The following ZC3H18 variants were observed in gnomAD, a reference collection of about 807,000 sequenced individuals.
ZC3H18 encodes the protein zinc finger CCCH-type containing 18.
In ZC3H18, 8 loss-of-function variants were observed where a neutral mutation model predicts 106.1. The ratio of observed to expected loss-of-function variants is 0.08; its 90% CI spans 0.04 to 0.14. The LOEUF (loss-of-function observed/expected upper bound fraction) is 0.14, where lower values mean the gene tolerates loss of function less well. Among genes scored for constraint, ZC3H18 ranks in the 10% least tolerant of loss-of-function variants. ZC3H18 has a pLI of 1.00. For synonymous variants in ZC3H18, 635 were observed against 522.1 expected, an observed-to-expected ratio of 1.22 and a Z score of -2.95; for missense variants, 1,318 against 1,278.4, an observed-to-expected ratio of 1.03 and a Z score of -0.47.
Position 88,611,407 on chromosome 16 carries a change from G to A in ZC3H18, c.1346G>A (p.Arg449Lys). Residue 449 changes from arginine (R) to lysine (K), a missense_variant, in exon 8 of 18, where the codon AGG becomes AAG. Arg to Lys is a conservative substitution (Grantham distance 26, BLOSUM62 2). Coordinates refer to ENST00000301011, the MANE Select transcript of ZC3H18 (RefSeq NM_144604.4). ...ERERDKERQR[R>K]KEEWERERAK... ...GAGCGCGACAAGGAGCGGCAGCGGA[G>A]GAAGGAGGAGTGGGAGCGTGAGCGA... 1 of 1,288,872 alleles carries A rather than the reference G, an allele frequency of 7.8e-7. No homozygotes were observed. Among genetic ancestry groups the A allele is most frequent in the East Asian group, 2.5e-5 (1 of 39,708 alleles). The allele number at this position is 1,288,872 out of a possible 1,614,324, so 79.8% of individuals were successfully genotyped here. A position where few individuals can be genotyped will look rare whatever the true frequency, so the allele number is the denominator to read the frequency against.
At chr16:88,615,213 A>C (rs1905518762) in intron 8 of ZC3H18, among the ~76,000 whole-genome samples, 1 of 123,062 alleles carries the variant, frequency 8.1e-6, no homozygotes, top group African/African-American at 3.0e-5. Flanking sequence ...TCTGCCTTTG[A>C]CAGGCTGCCC....
chr16:88,578,740 G>A (rs903497042), intron 2 of ZC3H18, among the ~76,000 whole-genome samples: 2 of 152,154 alleles, frequency 1.3e-5, no homozygotes, highest in African/African-American at 4.8e-5. Context: ...AACCCAGGCT[G>A]GAGTGCAGTG....
intron 8 of ZC3H18, among the ~76,000 whole-genome samples, chr16:88,618,459 A>G (rs929872096): frequency 6.6e-6 from 1 of 152,198 alleles, no homozygotes; most frequent in Admixed American, 6.5e-5. Flanking sequence ...TTGAAGAAAG[A>G]ACCTTCATGC....
chr16:88,590,302 C>T (rs921522696), intron 3 of ZC3H18, among the ~76,000 whole-genome samples: 3 of 152,178 alleles, frequency 2.0e-5, no homozygotes, highest in South Asian at 2.1e-4. Context: ...ATCATTTAAT[C>T]GCTTAGTGGA....
intron 8 of ZC3H18, among the ~76,000 whole-genome samples, chr16:88,619,754 C>A (rs1299474154): frequency 6.6e-6 from 1 of 152,150 alleles, no homozygotes; most frequent in African/African-American, 2.4e-5. Flanking sequence ...CAGCTTCACC[C>A]GAAGAAGAGG....
At chr16:88,578,987 G>A (rs12444047) in intron 2 of ZC3H18, among the ~76,000 whole-genome samples, 9 of 152,252 alleles carry the variant, frequency 5.9e-5, no homozygotes, top group Admixed American at 3.9e-4. Context: ...CACGCCCGGC[G>A]GGTGCCATGC....
intron 8 of ZC3H18, among the ~76,000 whole-genome samples, chr16:88,617,320 C>A (rs536348810): frequency 6.6e-6 from 1 of 152,244 alleles, no homozygotes; most frequent in East Asian, 1.9e-4. Flanking sequence ...GGAGTTGTGC[C>A]GCTCTCTCCG....
At position 88,628,800 on chromosome 16, in the gene ZC3H18, A is replaced by G. The variant is rs1295481845; in HGVS notation, c.2512A>G (p.Lys838Glu). The G allele has an allele frequency of 1.2e-6, 2 of 1,613,978 alleles. No individual in the cohort carries two copies. The highest frequency in any genetic ancestry group is 2.2e-5 in the East Asian group (1 of 44,892). ...CAGGAAGCGCTATGAACCATCAGAC[A>G]AGGACAGGCAGAGCCCTCCTCCAGC... ...GSRKRYEPSD[K>E]DRQSPPPAKR... Residue 838 changes from lysine (K) to glutamate (E), a missense_variant, in exon 16 of 18, where the codon AAG (lysine) becomes GAG (glutamate). By Grantham distance (56) the Lys-to-Glu change is moderately conservative. Transcript: ENST00000301011.
chr16:88,619,812 G>A (rs1479522804), intron 8 of ZC3H18, among the ~76,000 whole-genome samples: 1 of 152,178 alleles, frequency 6.6e-6, no homozygotes, highest in Non-Finnish European at 1.5e-5. Flanking sequence ...TCCCTGTGTT[G>A]GAAGGGCCGC....
rs764925812 is a variant in ZC3H18 at position 88,599,847 on chromosome 16, G to C, written c.987G>C (p.Arg329Ser). Reference sequence around the variant, plus strand: ...AGGAGCCTGATTTTGAAGAGAAAAGGTTTACGGTGACCATTGGCGAAGACG... The same window carrying C: ...AGGAGCCTGATTTTGAAGAGAAAAGCTTTACGGTGACCATTGGCGAAGACG... ...KEQEPDFEEK[R>S]FTVTIGEDER... Residue 329 changes from arginine (R) to serine (S), a missense_variant, in exon 6 of 18, where the codon AGG becomes AGC. Arg to Ser is a moderately radical substitution (Grantham distance 110). Coordinates refer to ENST00000301011, the MANE Select transcript of ZC3H18 (RefSeq NM_144604.4). 1.9e-6 allele frequency: 3 copies of C among 1,614,048 alleles called. No individual in the cohort carries two copies. In the East Asian group the frequency reaches 6.7e-5, roughly 36 times the overall value.
intron 7 of ZC3H18, among the ~76,000 whole-genome samples, chr16:88,609,949 T>C (rs1382990007): frequency 6.6e-6 from 1 of 152,156 alleles, no homozygotes; most frequent in Non-Finnish European, 1.5e-5. Flanking sequence ...CTGATGCCTG[T>C]GTCCAGGGGT....
chr16:88,615,606 C>T (rs541548908), intron 8 of ZC3H18, among the ~76,000 whole-genome samples: 3 of 152,314 alleles, frequency 2.0e-5, no homozygotes, highest in South Asian at 2.1e-4. Flanking sequence ...AGTCTGCTTT[C>T]CAGATTCACA....
chr16:88,614,724 A>G (rs1234384406), intron 8 of ZC3H18, among the ~76,000 whole-genome samples: 1 of 152,254 alleles, frequency 6.6e-6, no homozygotes. Context: ...AAACGGGGAA[A>G]CCGTCATTGA....
At chr16:88,582,434 G>C (rs1915192528) in intron 2 of ZC3H18, among the ~76,000 whole-genome samples, 1 of 151,940 alleles carries the variant, frequency 6.6e-6, no homozygotes, top group Non-Finnish European at 1.5e-5. Flanking sequence ...ATCTTGGCCA[G>C]GCTGGTCTTG....
intron 1 of ZC3H18, among the ~76,000 whole-genome samples, chr16:88,574,445 A>T (rs1567573731): frequency 6.6e-6 from 1 of 150,540 alleles, no homozygotes; most frequent in Non-Finnish European, 1.5e-5. Flanking sequence ...CTGACTTCGG[A>T]TGATCCACCT....
chr16:88,619,566 T>A (rs1392048484), intron 8 of ZC3H18, among the ~76,000 whole-genome samples: 1 of 152,208 alleles, frequency 6.6e-6, no homozygotes, highest in Admixed American at 6.5e-5. Flanking sequence ...TATCATTGTC[T>A]CCAGAGGGAA....
At chr16:88,581,325 C>G (rs959606265) in intron 2 of ZC3H18, among the ~76,000 whole-genome samples, 3 of 152,196 alleles carry the variant, frequency 2.0e-5, no homozygotes, top group African/African-American at 7.2e-5. Flanking sequence ...TTTCTCTTCT[C>G]TCAGGGCACA....
chr16:88,593,857 G>A (rs1904312915), intron 3 of ZC3H18, among the ~76,000 whole-genome samples: 1 of 152,200 alleles, frequency 6.6e-6, no homozygotes, highest in Admixed American at 6.5e-5. Context: ...AGTGTGTCAG[G>A]ACTTTCTCAG....
rs1205451194 is a variant in ZC3H18 at position 88,598,634 on chromosome 16, T to A, written c.852T>A (p.Val284=). 6.2e-7 allele frequency: 1 copy of A among 1,611,610 alleles called. No homozygotes were observed. Among genetic ancestry groups the A allele is most frequent in the Admixed American group, 1.7e-5 (1 of 59,792 alleles). Reference sequence around the variant, plus strand: ...TTTTTCAATAGGGTGGGCCGGTAGTTGATGAAATTTTGCCTCCACCCCCTC... The same window carrying A: ...TTTTTCAATAGGGTGGGCCGGTAGTAGATGAAATTTTGCCTCCACCCCCTC... The part of the protein sequence containing the change: ...MPANPWGGPV[V]DEILPPPPPE... Residue 284 remains valine (V), a synonymous_variant, in exon 5 of 18, where the codon GTT becomes GTA. Coordinates refer to ENST00000301011, the MANE Select transcript of ZC3H18 (RefSeq NM_144604.4).
Sources: gnomAD v4.1 joint callset for allele counts (sites outside exome capture counted in the v4.1 genomes callset) on GRCh38, gnomAD v4.1.1 for gene constraint, MANE v1.5 for transcripts, NCBI Gene and HGNC (gene_info 2026-07-23, HGNC 2026-07-21) for gene names.